The following NOX4 variants were observed in gnomAD, a reference collection of about 807,000 sequenced individuals.
The protein encoded by NOX4 is NADPH oxidase 4, also known as kidney oxidase-1.
In NOX4, 69 loss-of-function variants were observed where a neutral mutation model predicts 87.6. The ratio of observed to expected loss-of-function variants is 0.79; its 90% CI spans 0.65 to 0.96. The LOEUF (loss-of-function observed/expected upper bound fraction) is 0.96, where lower values mean the gene tolerates loss of function less well. Among genes scored for constraint, NOX4 ranks in the 40% least tolerant of loss-of-function variants. The probability of loss-of-function intolerance (pLI) is 0.00; values close to 1 mark genes in which losing one functional copy is unlikely to be tolerated. For synonymous variants in NOX4, 275 were observed against 238.2 expected, an observed-to-expected ratio of 1.15 and a Z score of -1.42; for missense variants, 680 against 681.5, an observed-to-expected ratio of 1.00 and a Z score of 0.02.
At chr11:89,575,231 A>G in the NOX4 span, among the ~76,000 whole-genome samples, 1 of 150,974 alleles carries the variant, frequency 6.6e-6, no homozygotes, top group Non-Finnish European at 1.5e-5. Flanking sequence ...TACATTTCTA[A>G]TGAAGCTTAG....
chr11:89,331,213 A>C (rs1945454381), intron 17 of NOX4, among the ~76,000 whole-genome samples: 1 of 152,032 alleles, frequency 6.6e-6, no homozygotes, highest in African/African-American at 2.4e-5. Context: ...TCATTTTTGG[A>C]AATTAGACAA....
chr11:89,430,088 A>G (rs1383242121), intron 7 of NOX4, among the ~76,000 whole-genome samples: 6 of 152,184 alleles, frequency 3.9e-5, no homozygotes, highest in African/African-American at 7.2e-5. Flanking sequence ...TATAAACAGA[A>G]CCAAAGACAA....
intron 13 of NOX4, among the ~76,000 whole-genome samples, chr11:89,347,579 A>C (rs1946271992): frequency 6.6e-6 from 1 of 152,212 alleles, no homozygotes; most frequent in Non-Finnish European, 1.5e-5. Context: ...AAAAGTCAAC[A>C]TAAAGATGCT....
the NOX4 span, among the ~76,000 whole-genome samples, chr11:89,569,819 TG>T: frequency 6.6e-6 from 1 of 151,468 alleles, no homozygotes; most frequent in South Asian, 2.1e-4. Flanking sequence ...TTGGCTAACA[TG>T]GTGAAACCCG....
the NOX4 span, among the ~76,000 whole-genome samples, chr11:89,559,422 C>T: frequency 5.3e-5 from 8 of 151,958 alleles, no homozygotes; most frequent in African/African-American, 1.9e-4. Flanking sequence ...AGCTGCTTTT[C>T]CAAGGATAAA....
At chr11:89,448,718 CAA>C (rs1234293092) in intron 4 of NOX4, among the ~76,000 whole-genome samples, 1 of 151,450 alleles carries the variant, frequency 6.6e-6, no homozygotes, top group African/African-American at 2.4e-5. Context: ...CCCGTCTCTA[CAA>C]AAAAATACAA....
At chr11:89,457,160 A>T (rs973334402) in intron 2 of NOX4, among the ~76,000 whole-genome samples, 2 of 152,068 alleles carry the variant, frequency 1.3e-5, no homozygotes, top group Non-Finnish European at 2.9e-5. Context: ...CCCTCTCCCC[A>T]TGTGGGCAGA....
chr11:89,464,956 G>A (rs982655721), intron 2 of NOX4, among the ~76,000 whole-genome samples: 3 of 152,092 alleles, frequency 2.0e-5, no homozygotes, highest in Admixed American at 6.6e-5. Context: ...CATGAGAATG[G>A]AGTCCCCATG....
the NOX4 span, among the ~76,000 whole-genome samples, chr11:89,521,946 T>C: frequency 6.6e-5 from 10 of 152,198 alleles, no homozygotes; most frequent in African/African-American, 1.4e-4. Context: ...TCACTGATCA[T>C]TGGAGAAATG....
the NOX4 span, among the ~76,000 whole-genome samples, chr11:89,586,088 A>G: frequency 6.6e-6 from 1 of 151,992 alleles, no homozygotes; most frequent in Non-Finnish European, 1.5e-5. Flanking sequence ...TAAACTGCTG[A>G]CAGAATATAA....
intron 8 of NOX4, among the ~76,000 whole-genome samples, chr11:89,408,769 C>G (rs1418795616): frequency 6.6e-6 from 1 of 152,110 alleles, no homozygotes; most frequent in East Asian, 1.9e-4. Context: ...GTGCACCGGA[C>G]CTTGCTCTTT....
At chr11:89,523,950 A>C in the NOX4 span, among the ~76,000 whole-genome samples, 1 of 152,216 alleles carries the variant, frequency 6.6e-6, no homozygotes, top group African/African-American at 2.4e-5. Flanking sequence ...TTTAAAAATA[A>C]AACAAAACAA....
chr11:89,385,861 A>G (rs571093397), intron 11 of NOX4, among the ~76,000 whole-genome samples: 1 of 152,244 alleles, frequency 6.6e-6, no homozygotes, highest in South Asian at 2.1e-4. Context: ...GAAGGTAACC[A>G]TGGTCATTTC....
chr11:89,406,877 G>A (rs1432789324), intron 8 of NOX4, among the ~76,000 whole-genome samples: 8 of 152,090 alleles, frequency 5.3e-5, no homozygotes, highest in Non-Finnish European at 8.8e-5. Context: ...GTAGAGATGG[G>A]TAATGAACTT....
chr11:89,485,445 A>T (rs1946554610), intron 2 of NOX4, among the ~76,000 whole-genome samples: 1 of 152,090 alleles, frequency 6.6e-6, no homozygotes, highest in Non-Finnish European at 1.5e-5. Flanking sequence ...CTGATATCAT[A>T]AAATCATTCT....
chr11:89,501,023 A>G (rs1947010687), upstream of NOX4, among the ~76,000 whole-genome samples: 1 of 152,046 alleles, frequency 6.6e-6, no homozygotes, highest in Non-Finnish European at 1.5e-5. Flanking sequence ...CCATTACAAA[A>G]CATATGCCAA....
At chr11:89,333,065 T>A (rs763402054) in intron 17 of NOX4, among the ~76,000 whole-genome samples, 4 of 151,880 alleles carry the variant, frequency 2.6e-5, no homozygotes. Context: ...ACTGCAATAC[T>A]CTCACATGAG....
intron 2 of NOX4, among the ~76,000 whole-genome samples, chr11:89,486,046 C>A (rs953868192): frequency 6.6e-6 from 1 of 151,932 alleles, no homozygotes; most frequent in Admixed American, 6.6e-5. Flanking sequence ...TATATTTTAT[C>A]TTCTAGCAAT....
chr11:89,586,662 T>G, the NOX4 span, among the ~76,000 whole-genome samples: 3 of 152,132 alleles, frequency 2.0e-5, no homozygotes, highest in Admixed American at 6.6e-5. Context: ...CAATGCAACA[T>G]CAGGTAATAA....
Sources: allele counts gnomAD v4.1 joint callset (sites outside exome capture counted in the v4.1 genomes callset), GRCh38; gene constraint gnomAD v4.1.1; transcripts MANE v1.5; gene names NCBI Gene and HGNC (gene_info 2026-07-23, HGNC 2026-07-21).